KAT14: variants seen among roughly 807,000 people sequenced by gnomAD.
KAT14 encodes the protein cysteine-rich protein 2-binding protein.
Under a neutral mutation model 78.4 loss-of-function variants are expected in KAT14, and 66 were observed. That is an observed-to-expected ratio of 0.84 (90% CI 0.69 to 1.03). The LOEUF is 1.03. KAT14 is among the 50% of genes least tolerant of loss of function. The pLI is 0.00. For missense variants in KAT14, 870 were observed against 972.5 expected (o/e 0.89, Z 1.40); for synonymous variants, 344 against 359.4 (o/e 0.96, Z 0.48).
intron 3 of KAT14, among the ~76,000 whole-genome samples, chr20:18,145,758 G>A (rs889771003): frequency 6.6e-6 from 1 of 151,758 alleles, no homozygotes; most frequent in Non-Finnish European, 1.5e-5. Context: ...TCCAGCTTGG[G>A]CGACAAAGTG....
At chr20:18,177,784 T>C (rs1600238183) in intron 7 of KAT14, among the ~76,000 whole-genome samples, 1 of 152,236 alleles carries the variant, frequency 6.6e-6, no homozygotes, top group East Asian at 1.9e-4. Flanking sequence ...TCTGATTTCT[T>C]TGCTATAAAG....
intron 4 of KAT14, among the ~76,000 whole-genome samples, chr20:18,158,671 G>T (rs2038306462): frequency 6.6e-6 from 1 of 152,186 alleles, no homozygotes; most frequent in South Asian, 2.1e-4. Flanking sequence ...AAAATGCCCA[G>T]CCTTGGAGTT....
At chr20:18,172,376 A>T (rs963865173) in intron 7 of KAT14, among the ~76,000 whole-genome samples, 1 of 150,438 alleles carries the variant, frequency 6.6e-6, no homozygotes, top group Non-Finnish European at 1.5e-5. Flanking sequence ...CTGGAATTAC[A>T]GGTTTGAGCC....
At chr20:18,145,894 A>G (rs538059576) in intron 3 of KAT14, among the ~76,000 whole-genome samples, 5 of 152,334 alleles carry the variant, frequency 3.3e-5, no homozygotes, top group African/African-American at 9.6e-5. Context: ...TGAAAATGAA[A>G]TTCTCATTTT....
At position 18,187,971 on chromosome 20, in the gene KAT14, G is replaced by C. The variant is rs1354389067; in HGVS notation, c.*512G>C. On this transcript the variant is annotated 3_prime_UTR_variant, in exon 11 of 11. Transcript: ENST00000688188. ...CCAGGAGGATTTCTAGGGCACTGAA[G>C]TTTTGTTGTTTCTTTTGCTGACTTT... 1 of 155,020 alleles carries C rather than the reference G, an allele frequency of 6.5e-6. No individual in the cohort carries two copies. The highest frequency in any genetic ancestry group is 1.4e-5 in the Non-Finnish European group (1 of 69,850). The allele number at this position is 155,020 out of a possible 1,614,324, so 9.6% of individuals were successfully genotyped here.
chr20:18,148,672 C>T (rs565940912), intron 3 of KAT14, among the ~76,000 whole-genome samples: 175 of 151,148 alleles, frequency 1.2e-3, no homozygotes, highest in South Asian at 2.3e-3. Flanking sequence ...TGCAATGGCG[C>T]GATCTTGGCT....
chr20:18,186,009 T>C (rs968793038), intron 10 of KAT14, among the ~76,000 whole-genome samples: 1 of 152,116 alleles, frequency 6.6e-6, no homozygotes, highest in Non-Finnish European at 1.5e-5. Context: ...CAACCAAGAG[T>C]TGATCTCTCA....
intron 7 of KAT14, among the ~76,000 whole-genome samples, chr20:18,178,850 G>A (rs1205210): frequency 0.17 from 26,278 of 151,962 alleles, 2,977 homozygotes; most frequent in East Asian, 0.53. Flanking sequence ...GCATTAACCC[G>A]AAAGTCCATA....
chr20:18,156,432 T>A (rs2038230231), intron 4 of KAT14, among the ~76,000 whole-genome samples: 1 of 152,220 alleles, frequency 6.6e-6, no homozygotes, highest in African/African-American at 2.4e-5. Flanking sequence ...GGAAAACTAT[T>A]GAGGCCATTC....
intron 3 of KAT14, among the ~76,000 whole-genome samples, chr20:18,148,750 C>G (rs1021265599): frequency 6.6e-6 from 1 of 152,090 alleles, no homozygotes; most frequent in Non-Finnish European, 1.5e-5. Context: ...GCTGGAACTA[C>G]AGGCGTGCGC....
upstream of KAT14, among the ~76,000 whole-genome samples, chr20:18,137,627 G>A (rs1014696421): frequency 3.3e-5 from 5 of 152,152 alleles, no homozygotes; most frequent in Non-Finnish European, 5.9e-5. Context: ...CTGACTGAGG[G>A]GCATGGAACC....
intron 4 of KAT14, among the ~76,000 whole-genome samples, chr20:18,151,376 T>C (rs893330462): frequency 6.6e-6 from 1 of 152,004 alleles, no homozygotes; most frequent in African/African-American, 2.4e-5. Flanking sequence ...TTTGTATTTT[T>C]AGTAGAGACG....
intron 4 of KAT14, among the ~76,000 whole-genome samples, chr20:18,158,838 A>G (rs2038312819): frequency 6.6e-6 from 1 of 152,204 alleles, no homozygotes; most frequent in Non-Finnish European, 1.5e-5. Context: ...CCTCACAGCA[A>G]CCCTGTGAGG....
At chr20:18,159,920 G>A (rs994785483) in intron 5 of KAT14, among the ~76,000 whole-genome samples, 8 of 152,116 alleles carry the variant, frequency 5.3e-5, no homozygotes, top group African/African-American at 1.2e-4. Flanking sequence ...TTGCTTGTTT[G>A]TTTATTTATT....
intron 10 of KAT14, 146 bp downstream of exon 10, chr20:18,184,938 C>A: frequency 2.4e-6 from 2 of 824,918 alleles, no homozygotes; most frequent in Non-Finnish European, 3.5e-6. Context: ...CAGTCATCAG[C>A]ATTCATGAGG....
chr20:18,140,861 C>G (rs373812996), intron 1 of KAT14, among the ~76,000 whole-genome samples: 2 of 146,806 alleles, frequency 1.4e-5, no homozygotes, highest in African/African-American at 5.1e-5. Flanking sequence ...CAAAAAAAAC[C>G]CTATTTATTT....
At chr20:18,137,427 C>G (rs535885435), upstream of KAT14, among the ~76,000 whole-genome samples, 4 of 152,328 alleles carry the variant, frequency 2.6e-5, no homozygotes, top group South Asian at 6.2e-4. Flanking sequence ...AACCCCGCGC[C>G]TCTGAAGCTG....
rs972075027 is a variant in KAT14 at position 18,187,840 on chromosome 20, T to A, written c.*381T>A. Reference sequence around the variant, plus strand: ...AAAATGTGGTGTAGCTATTAAAGATTCATGCAGTCCCAAAAGGCACTGTCC... The same window carrying A: ...AAAATGTGGTGTAGCTATTAAAGATACATGCAGTCCCAAAAGGCACTGTCC... On this transcript the variant is annotated 3_prime_UTR_variant, in exon 11 of 11. Transcript: ENST00000688188. 8.7e-5 allele frequency: 22 copies of A among 253,424 alleles called. No homozygotes were observed. The highest frequency in any genetic ancestry group is 6.6e-4 in the Admixed American group (11 of 16,564). The allele number at this position is 253,424 out of a possible 1,614,324, so 15.7% of individuals were successfully genotyped here.
chr20:18,178,467 T>TA (rs1457398704), intron 7 of KAT14, among the ~76,000 whole-genome samples: 1 of 152,124 alleles, frequency 6.6e-6, no homozygotes, highest in Non-Finnish European at 1.5e-5. Flanking sequence ...TAATTGGACT[T>TA]AGAGTCCCAC....
Sources: allele counts gnomAD v4.1 joint callset (sites outside exome capture counted in the v4.1 genomes callset), GRCh38; gene constraint gnomAD v4.1.1; transcripts MANE v1.5; gene names NCBI Gene and HGNC (gene_info 2026-07-23, HGNC 2026-07-21).